Variants in TBC1D23 observed in about 807,000 individuals in gnomAD.
TBC1D23 encodes the protein TBC1 domain family member 23, also known as HCV non-structural protein 4A-transactivated protein 1.
In TBC1D23, 55 loss-of-function variants were observed where a neutral mutation model predicts 91.4. That is an observed-to-expected ratio of 0.60 (90% CI 0.48 to 0.75). The LOEUF (loss-of-function observed/expected upper bound fraction) is 0.75, where lower values mean the gene tolerates loss of function less well. TBC1D23 is among the 30% of genes least tolerant of loss of function. The pLI, the probability that TBC1D23 is intolerant of heterozygous loss-of-function variation, is 0.00. For missense variants in TBC1D23, 725 were observed against 836.1 expected, an observed-to-expected ratio of 0.87 and a Z score of 1.64; for synonymous variants, 289 against 281.0, an observed-to-expected ratio of 1.03 and a Z score of -0.28.
At chr3:100,305,510 C>T (rs919699529) in intron 12 of TBC1D23, among the ~76,000 whole-genome samples, 1 of 152,058 alleles carries the variant, frequency 6.6e-6, no homozygotes. Context: ...AAATACTGAG[C>T]TGTAAATGCT....
chr3:100,294,245 A>G lies in TBC1D23; in HGVS notation c.601-842A>G, dbSNP rs188286890. 4.7e-3 allele frequency among the ~76,000 whole-genome samples: 709 copies of G among 151,252 alleles called. 2 individuals are homozygous for G. The highest frequency in any genetic ancestry group is 6.3e-3 in the Non-Finnish European group (430 of 67,796). Reference sequence around the variant, plus strand: ...AAATTTATTGAAGGATATGAATGTTATTTATTTTTTTTTGTGTTTATTTTT... The same window carrying G: ...AAATTTATTGAAGGATATGAATGTTGTTTATTTTTTTTTGTGTTTATTTTT... On this transcript the variant is annotated intron_variant, in intron 5 of 18. Coordinates refer to ENST00000394144, the MANE Select transcript of TBC1D23 (RefSeq NM_001199198.3).
At chr3:100,267,805 G>A (rs1428034916) in intron 1 of TBC1D23, among the ~76,000 whole-genome samples, 2 of 152,020 alleles carry the variant, frequency 1.3e-5, no homozygotes, top group African/African-American at 4.8e-5. Context: ...TGCATAGAGC[G>A]TTACTCTTTA....
rs376672575 is a variant in TBC1D23 at position 100,320,830 on chromosome 3, G to T, written c.1877G>T (p.Arg626Leu). ...HMYCLREIVS[R>L]KGLAYIQSRQ... The stretch of plus-strand genomic sequence containing the variant: ...TACTGTTTAAGGGAGATTGTTTCAC[G>T]GAAAGGATTGGCTTATATACAGTCT... Residue 626 changes from arginine to leucine, a missense_variant, in exon 18 of 19, where the codon CGG (arginine) becomes CTG (leucine). Transcript: ENST00000394144. 1 of 1,610,092 alleles carries T rather than the reference G, an allele frequency of 6.2e-7. No homozygotes were observed. Among genetic ancestry groups the T allele is most frequent in the Non-Finnish European group, 8.5e-7 (1 of 1,178,754 alleles).
intron 1 of TBC1D23, among the ~76,000 whole-genome samples, chr3:100,271,203 G>A (rs2067596567): frequency 6.6e-6 from 1 of 152,246 alleles, no homozygotes; most frequent in East Asian, 1.9e-4. Context: ...ATCAAAGAGG[G>A]ATGAGAAATG....
Position 100,296,231 on chromosome 3 carries a change from C to G in TBC1D23, c.832C>G (p.Leu278Val). 1 of 1,609,240 alleles carries G rather than the reference C, an allele frequency of 6.2e-7. No homozygotes were observed. Among genetic ancestry groups the G allele is most frequent in the Non-Finnish European group, 8.5e-7 (1 of 1,177,864 alleles). The change falls in exon 8 of 19, where the codon CTG (leucine) becomes GTG (valine). Residue 278 changes from leucine (L) to valine (V), a missense_variant. Transcript: ENST00000394144. ...NIEDIEDLFS[L>V]AQYYCSKTPA... ...AGAAGATATAGAAGACCTTTTCTCT[C>G]TGGCTCAGTATTATTGCAGCAAAAC...
intron 14 of TBC1D23, among the ~76,000 whole-genome samples, chr3:100,310,804 A>G (rs1705612826): frequency 6.6e-6 from 1 of 152,226 alleles, no homozygotes; most frequent in Non-Finnish European, 1.5e-5. Flanking sequence ...ATGTCCCAGT[A>G]TGTATCACAT....
intron 11 of TBC1D23, among the ~76,000 whole-genome samples, chr3:100,304,573 A>G (rs1416773518): frequency 1.3e-5 from 2 of 152,156 alleles, no homozygotes; most frequent in Non-Finnish European, 2.9e-5. Flanking sequence ...TGGTTTGACC[A>G]TTGCACTATT....
rs2067666479 is a variant in TBC1D23, at chr3:100,278,311, A to G, written c.54-1338A>G. On this transcript the variant is annotated intron_variant, in intron 1 of 18. Coordinates refer to ENST00000394144, the MANE Select transcript of TBC1D23 (RefSeq NM_001199198.3). ...TTATGAAGCTCTTAAAAATTTGTACAGATTTTTAATGTATGCTGAAATCAT... is the reference window on the plus strand; with the variant it reads ...TTATGAAGCTCTTAAAAATTTGTACGGATTTTTAATGTATGCTGAAATCAT... 2.6e-5 allele frequency among the ~76,000 whole-genome samples: 4 copies of G among 152,160 alleles called. No homozygotes were observed. In the South Asian group the frequency reaches 8.3e-4, roughly 31 times the overall value.
At position 100,295,166 on chromosome 3, in the gene TBC1D23, C is replaced by T; in HGVS notation, c.680C>T (p.Pro227Leu). 1 of 1,605,344 alleles carries T rather than the reference C, an allele frequency of 6.2e-7. No homozygotes were observed. The highest frequency in any genetic ancestry group is 8.5e-7 in the Non-Finnish European group (1 of 1,176,296). Residue 227 changes from proline (P) to leucine (L), a missense_variant, in exon 6 of 19, where the codon CCA (proline) becomes CTA (leucine). By Grantham distance (98) the Pro-to-Leu change is moderately conservative. Coordinates refer to ENST00000394144, the MANE Select transcript of TBC1D23 (RefSeq NM_001199198.3). Reference sequence around the variant, plus strand: ...GATGGATATCTACAACAAGCAGATCCATTTTTTATTTATTTCTTAATGTTA... The same window carrying T: ...GATGGATATCTACAACAAGCAGATCTATTTTTTATTTATTTCTTAATGTTA... ...IWDGYLQQADPFFIYFLMLII... is the reference protein window; with the variant it reads ...IWDGYLQQADLFFIYFLMLII...
rs753598188 is a variant in TBC1D23 at position 100,279,669 on chromosome 3, C to T, written c.74C>T (p.Ala25Val). The T allele has an allele frequency of 2.5e-6, 4 of 1,602,842 alleles. No homozygotes were observed. In the Admixed American group the frequency reaches 6.7e-5, roughly 27 times the overall value. The change falls in exon 2 of 19, where the codon GCT becomes GTT. Residue 25 changes from alanine to valine, a missense_variant. Physicochemically the swap from Ala to Val is moderately conservative, Grantham distance 64. Transcript: ENST00000394144. ...GDGWEKDLEE[A>V]LEAGGCDLET... Reference sequence around the variant, plus strand: ...TTTAGGGAAAAAGATCTTGAAGAAGCTCTGGAAGCAGGAGGTTGTGATCTT... The same window carrying T: ...TTTAGGGAAAAAGATCTTGAAGAAGTTCTGGAAGCAGGAGGTTGTGATCTT...
At position 100,297,971 on chromosome 3, in the gene TBC1D23, G is replaced by A; in HGVS notation, c.925G>A (p.Asp309Asn). 2 of 1,612,654 alleles carry A rather than the reference G, an allele frequency of 1.2e-6. No homozygotes were observed. The highest frequency in any genetic ancestry group is 1.7e-6 in the Non-Finnish European group (2 of 1,178,896). ...GSTLLGIKDD[D>N]ADLSQALCLA... is the part of the protein sequence containing the mutation. ...TACTTTGTTGGGAATTAAGGATGAT[G>A]ATGCAGATCTGAGTCAGGCTCTTTG... The change falls in exon 9 of 19, where the codon GAT becomes AAT. Residue 309 changes from aspartate to asparagine, a missense_variant. Coordinates refer to ENST00000394144, the MANE Select transcript of TBC1D23 (RefSeq NM_001199198.3).
chr3:100,306,557 G>A lies in TBC1D23; in HGVS notation c.1413+14G>A, dbSNP rs573774356. The A allele has an allele frequency of 1.3e-5, 19 of 1,473,826 alleles. No individual in the cohort carries two copies. The South Asian group carries it at 2.0e-4, about 15-fold the overall frequency. 91.3% of individuals were successfully genotyped at this position (1,473,826 alleles called of 1,614,324 possible). A position where few individuals can be genotyped will look rare whatever the true frequency, so the allele number is the denominator to read the frequency against. On this transcript the variant is annotated intron_variant, in intron 13 of 18. Coordinates refer to ENST00000394144, the MANE Select transcript of TBC1D23 (RefSeq NM_001199198.3). Reference sequence around the variant, plus strand: ...AATTCTGTTGATGTAAGTATATGTAGAGAATATGTTACCGGATTTGGATAA... The same window carrying A: ...AATTCTGTTGATGTAAGTATATGTAAAGAATATGTTACCGGATTTGGATAA...
chr3:100,315,242 A>G lies in TBC1D23; in HGVS notation c.1599-857A>G, dbSNP rs527425266. Among the ~76,000 whole-genome samples, 386 of 145,818 alleles carry G rather than the reference A, an allele frequency of 2.6e-3. 1 individual carries two copies. The highest frequency in any genetic ancestry group is 9.4e-3 in the African/African-American group (370 of 39,200). ...CAATGGCGCTATCTTGGCTTACCGC[A>G]ACCTCTGCCTCCCGGGTTCAAGTGG... is the stretch of plus-strand genomic sequence containing the variant. On this transcript the variant is annotated intron_variant, in intron 15 of 18. Transcript: ENST00000394144.
chr3:100,295,320 A>G lies in TBC1D23; in HGVS notation c.744A>G (p.Gln248=). The G allele has an allele frequency of 1.2e-6, 2 of 1,610,888 alleles. No individual in the cohort carries two copies. The highest frequency in any genetic ancestry group is 3.4e-5 in the Admixed American group (2 of 59,584). ...LVNAKEVILT[Q]ESDSKEEVIK... ...TTTACAGAGAAGTTATTTTAACACA[A>G]GAGTCAGACAGCAAAGAAGAAGTTA... The change falls in exon 7 of 19, where the codon CAA becomes CAG. Residue 248 remains glutamine (Q), a synonymous_variant. Coordinates refer to ENST00000394144, the MANE Select transcript of TBC1D23 (RefSeq NM_001199198.3).
rs1223161742 is a variant in TBC1D23, at chr3:100,304,876, G to A, written c.1294G>A (p.Gly432Arg). The change falls in exon 12 of 19, where the codon GGA becomes AGA. Residue 432 changes from glycine (G) to arginine (R), a missense_variant. Coordinates refer to ENST00000394144, the MANE Select transcript of TBC1D23 (RefSeq NM_001199198.3). ...KNKEYVSIASGGFMALQQHLA... is the reference protein window; with the variant it reads ...KNKEYVSIASRGFMALQQHLA... The stretch of plus-strand genomic sequence containing the variant: ...CAAAGAATATGTGAGTATTGCCAGT[G>A]GAGGATTTATGGGTAAGATTTTGAT... The A allele has an allele frequency of 6.7e-7, 1 of 1,495,900 alleles. No individual in the cohort carries two copies. Among genetic ancestry groups the A allele is most frequent in the Non-Finnish European group, 9.3e-7 (1 of 1,075,234 alleles). The allele number at this position is 1,495,900 out of a possible 1,614,324, so 92.7% of individuals were successfully genotyped here. A position where few individuals can be genotyped will look rare whatever the true frequency, so the allele number is the denominator to read the frequency against.
At position 100,279,684 on chromosome 3, in the gene TBC1D23, G is replaced by A. The variant is rs370613362; in HGVS notation, c.89G>A (p.Gly30Asp). The stretch of plus-strand genomic sequence containing the variant: ...CTTGAAGAAGCTCTGGAAGCAGGAG[G>A]TTGTGATCTTGAAACGTTGAGAAAT... ...KDLEEALEAG[G>D]CDLETLRNII... is the part of the protein sequence containing the mutation. The change falls in exon 2 of 19, where the codon GGT becomes GAT. Residue 30 changes from glycine (G) to aspartate (D), a missense_variant. Gly to Asp is a moderately conservative substitution (Grantham distance 94, BLOSUM62 -1). Transcript: ENST00000394144. 68 of 1,608,682 alleles carry A rather than the reference G, an allele frequency of 4.2e-5. No homozygotes were observed. The highest frequency in any genetic ancestry group is 1.2e-4 in the Admixed American group (7 of 59,940).
At chr3:100,277,093 T>A (rs2067654621) in intron 1 of TBC1D23, among the ~76,000 whole-genome samples, 1 of 152,116 alleles carries the variant, frequency 6.6e-6, no homozygotes, top group African/African-American at 2.4e-5. Context: ...ACACCAGACA[T>A]GGATTTTGCT....
intron 1 of TBC1D23, among the ~76,000 whole-genome samples, chr3:100,261,904 G>A (rs1357085968): frequency 6.6e-6 from 1 of 152,174 alleles, no homozygotes; most frequent in African/African-American, 2.4e-5. Flanking sequence ...AAATTTTACA[G>A]TTGATCTAAG....
chr3:100,322,520 T>G (rs1353477232), intron 18 of TBC1D23, among the ~76,000 whole-genome samples: 4 of 152,228 alleles, frequency 2.6e-5, no homozygotes, highest in Non-Finnish European at 5.9e-5. Flanking sequence ...CTATTAATCT[T>G]CTAGTGGGCC....
Sources: gnomAD v4.1 joint callset for allele counts (sites outside exome capture counted in the v4.1 genomes callset) on GRCh38, gnomAD v4.1.1 for gene constraint, MANE v1.5 for transcripts, NCBI Gene and HGNC (gene_info 2026-07-23, HGNC 2026-07-21) for gene names.